The following UBR1 variants were observed in gnomAD, a reference collection of about 807,000 sequenced individuals.
The protein encoded by UBR1 is E3 ubiquitin-protein ligase UBR1.
UBR1 carries 102 observed loss-of-function variants against 242.1 expected under a neutral mutation model. That is an observed-to-expected ratio of 0.42 (90% CI 0.36 to 0.50). UBR1 has a LOEUF of 0.50. UBR1 is among the 20% of genes least tolerant of loss of function. UBR1 has a pLI of 0.01. For missense variants in UBR1, 1,772 were observed against 2,101.8 expected (o/e 0.84, Z 3.07); for synonymous variants, 675 against 684.8 (o/e 0.99, Z 0.22).
chr15:43,062,494 G>A (rs1596125613), intron 6 of UBR1, among the ~76,000 whole-genome samples: 2 of 152,138 alleles, frequency 1.3e-5, no homozygotes, highest in Admixed American at 1.3e-4. Context: ...TTTGCAAGAT[G>A]GAAAAGTTCT....
At chr15:42,978,057 C>G in intron 37 of UBR1, 110 bp from the exon 38 acceptor site, 1 of 823,220 alleles carries the variant, frequency 1.2e-6, no homozygotes, top group Non-Finnish European at 2.1e-6. Context: ...TTATAAAATA[C>G]AGAAACTAAT....
intron 44 of UBR1, among the ~76,000 whole-genome samples, chr15:42,952,775 C>T (rs560038554): frequency 2.4e-4 from 36 of 152,268 alleles, no homozygotes; most frequent in African/African-American, 8.7e-4. Flanking sequence ...CTGACATGCC[C>T]AATTTACAGT....
chr15:43,042,110 G>C (rs2033427430), intron 15 of UBR1, among the ~76,000 whole-genome samples: 1 of 152,046 alleles, frequency 6.6e-6, no homozygotes, highest in Non-Finnish European at 1.5e-5. Context: ...AGCCACTAAG[G>C]AAAACACTAT....
At chr15:43,046,254 G>A (rs1337934723) in intron 14 of UBR1, among the ~76,000 whole-genome samples, 4 of 152,186 alleles carry the variant, frequency 2.6e-5, no homozygotes, top group Non-Finnish European at 5.9e-5. Context: ...GTACTAAAAA[G>A]CTACAGTGCT....
chr15:43,036,244 C>T lies in UBR1; in HGVS notation c.2124G>A (p.Leu708=), dbSNP rs139911360. 35 of 1,613,654 alleles carry T rather than the reference C, an allele frequency of 2.2e-5. No homozygotes were observed. The African/African-American group carries it at 4.5e-4, about 21-fold the overall frequency. The change falls in exon 19 of 47, where the codon TTG becomes TTA. Residue 708 remains leucine (L), a synonymous_variant. Transcript: ENST00000290650. ...GTTCATACCTCTGAAGTACCAGTAACAAGAACTTATTGGGATCCATTAAAG... is the reference window on the plus strand; with the variant it reads ...GTTCATACCTCTGAAGTACCAGTAATAAGAACTTATTGGGATCCATTAAAG... ...GASLMDPNKF[L]LLVLQRYELA...
At chr15:43,012,095 C>T (rs556924008) in intron 29 of UBR1, among the ~76,000 whole-genome samples, 6 of 152,026 alleles carry the variant, frequency 3.9e-5, no homozygotes, top group Non-Finnish European at 5.9e-5. Flanking sequence ...GGCGTGGTGG[C>T]GGGCGCCTGT....
At chr15:43,000,500 A>T (rs1055365520) in intron 32 of UBR1, among the ~76,000 whole-genome samples, 1 of 152,242 alleles carries the variant, frequency 6.6e-6, no homozygotes, top group African/African-American at 2.4e-5. Flanking sequence ...AAGTCACTTT[A>T]TTATGATTTC....
At chr15:43,006,107 A>G (rs1329579979) in intron 30 of UBR1, among the ~76,000 whole-genome samples, 6 of 138,054 alleles carry the variant, frequency 4.3e-5, no homozygotes, top group African/African-American at 8.4e-5. Context: ...AAAAAAAAAG[A>G]AAAAAAAAAA....
In UBR1 at chr15:43,075,203, C is replaced by CAA. The variant is rs2033872719; in HGVS notation, c.418-116_418-115dup. ...CCAATACTCCAACCTTAATTGAGTT[C>CAA]AATGTAATATTAACTGGATGTAACA... On this transcript the variant is annotated intron_variant, in intron 3 of 46. Transcript: ENST00000290650. The CAA allele has an allele frequency of 1.2e-5, 11 of 886,758 alleles. No homozygotes were observed. In the South Asian group the frequency reaches 1.5e-4, roughly 12 times the overall value. The allele number at this position is 886,758 out of a possible 1,614,324, so 54.9% of individuals were successfully genotyped here.
intron 35 of UBR1, 122 bp from the exon 36 acceptor site, chr15:42,985,064 C>A (rs2032438616): frequency 2.3e-6 from 2 of 851,164 alleles, no homozygotes; most frequent in Non-Finnish European, 3.5e-6. Context: ...TTTTCCCCTT[C>A]AAAGTCTTGT....
chr15:42,946,486 C>T lies in UBR1; in HGVS notation c.5109-1016G>A, dbSNP rs138592907. ...AACTCTGCTTTGTACCCTTGTGGAACAACTAAGATTCTCAGTCATTAACTA... is the reference window on the plus strand; with the variant it reads ...AACTCTGCTTTGTACCCTTGTGGAATAACTAAGATTCTCAGTCATTAACTA... On this transcript the variant is annotated intron_variant, in intron 46 of 46. Transcript: ENST00000290650. Among the ~76,000 whole-genome samples, 360 of 152,248 alleles carry T rather than the reference C, an allele frequency of 2.4e-3. 2 individuals are homozygous for T. Among genetic ancestry groups the T allele is most frequent in the Non-Finnish European group, 4.0e-3 (275 of 68,012 alleles).
At chr15:43,076,337 C>T (rs1267852015) in intron 3 of UBR1, among the ~76,000 whole-genome samples, 3 of 152,186 alleles carry the variant, frequency 2.0e-5, no homozygotes, top group Non-Finnish European at 4.4e-5. Context: ...CTACAACCTC[C>T]ACCTCCCAGC....
chr15:43,015,563 C>G lies in UBR1; in HGVS notation c.3209+125G>C, dbSNP rs1039132935. 9 of 1,064,084 alleles carry G rather than the reference C, an allele frequency of 8.5e-6. No individual in the cohort carries two copies. The African/African-American group carries it at 1.2e-4, about 15-fold the overall frequency. The allele number at this position is 1,064,084 out of a possible 1,614,324, so 65.9% of individuals were successfully genotyped here. On this transcript the variant is annotated intron_variant, in intron 29 of 46. Coordinates refer to ENST00000290650, the MANE Select transcript of UBR1 (RefSeq NM_174916.3). ...CAAAGACCTTTGTTCACTTGTTTAT[C>G]TGCTGACCTTCCCTCCACTATTGTC...
intron 23 of UBR1, 80 bp from the exon 24 acceptor site, chr15:43,025,509 C>A: frequency 9.8e-7 from 1 of 1,021,018 alleles, no homozygotes; most frequent in East Asian, 2.5e-5. Context: ...CAGGAAAGAC[C>A]CAACCACCTA....
intron 37 of UBR1, among the ~76,000 whole-genome samples, chr15:42,981,109 C>T (rs77231660): frequency 0.036 from 5,462 of 152,030 alleles, 144 homozygotes; most frequent in Non-Finnish European, 0.051. Context: ...CTAATTTTTC[C>T]CTCCTTCAAT....
At chr15:42,976,978 T>G in intron 38 of UBR1, 111 bp from the exon 39 acceptor site, 1 of 1,213,818 alleles carries the variant, frequency 8.2e-7, no homozygotes, top group South Asian at 1.3e-5. Flanking sequence ...TGTGTGTGTG[T>G]TTTTTAATAA....
At chr15:43,019,086 G>A (rs1409896158) in intron 27 of UBR1, among the ~76,000 whole-genome samples, 2 of 151,604 alleles carry the variant, frequency 1.3e-5, no homozygotes, top group Admixed American at 1.3e-4. Flanking sequence ...TTTTGAGACG[G>A]AGTCTCGCTT....
intron 32 of UBR1, among the ~76,000 whole-genome samples, chr15:43,000,110 T>A (rs2032700529): frequency 6.6e-6 from 1 of 152,216 alleles, no homozygotes; most frequent in Non-Finnish European, 1.5e-5. Flanking sequence ...TGACAGTTTT[T>A]ATATGCTTTT....
chr15:43,086,994 T>C (rs907254304), intron 1 of UBR1, among the ~76,000 whole-genome samples: 4 of 151,994 alleles, frequency 2.6e-5, no homozygotes, highest in Admixed American at 1.3e-4. Flanking sequence ...CGACAACACA[T>C]AGGGAGACCC....
Sources: gnomAD v4.1 joint callset for allele counts (sites outside exome capture counted in the v4.1 genomes callset) on GRCh38, gnomAD v4.1.1 for gene constraint, MANE v1.5 for transcripts, NCBI Gene and HGNC (gene_info 2026-07-23, HGNC 2026-07-21) for gene names.